Variants in ZPBP observed in about 807,000 individuals in gnomAD.
ZPBP encodes zona pellucida binding protein, also known as zona pellucida-binding protein 1.
Under a neutral mutation model 44.8 loss-of-function variants are expected in ZPBP, and 26 were observed. That is an observed-to-expected ratio of 0.58 (90% CI 0.43 to 0.81). The LOEUF is 0.81. Among genes scored for constraint, ZPBP ranks in the 30% least tolerant of loss-of-function variants. ZPBP has a pLI of 0.00. For missense variants in ZPBP, 409 were observed against 434.0 expected (o/e 0.94, Z 0.51); for synonymous variants, 174 against 153.2 (o/e 1.14, Z -1.00).
chr7:49,934,184 C>T (rs548599264), downstream of ZPBP, among the ~76,000 whole-genome samples: 1 of 152,202 alleles, frequency 6.6e-6, no homozygotes, highest in Admixed American at 6.5e-5. Flanking sequence ...TTGTGGGCTT[C>T]ATCCTCAAGC....
intron 1 of ZPBP, among the ~76,000 whole-genome samples, chr7:49,902,601 A>G (rs1792826810): frequency 6.6e-6 from 1 of 151,840 alleles, no homozygotes; most frequent in South Asian, 2.1e-4. Context: ...CACCCTATGA[A>G]AAATTTATCT....
At chr7:49,939,471 GA>G (rs1406861618) in intron 7 of ZPBP, among the ~76,000 whole-genome samples, 6 of 151,898 alleles carry the variant, frequency 4.0e-5, no homozygotes, top group African/African-American at 1.2e-4. Context: ...TAGAACTGGG[GA>G]AAAATGTTAA....
intron 2 of ZPBP, among the ~76,000 whole-genome samples, chr7:49,882,112 T>TTA (rs1791690731): frequency 1.3e-5 from 2 of 152,148 alleles, no homozygotes; most frequent in Non-Finnish European, 1.5e-5. Flanking sequence ...AAACATAGAT[T>TTA]TATATGTGCC....
At chr7:49,932,098 C>A (rs944106182) in intron 1 of ZPBP, among the ~76,000 whole-genome samples, 1 of 152,234 alleles carries the variant, frequency 6.6e-6, no homozygotes, top group Non-Finnish European at 1.5e-5. Flanking sequence ...AGGTGTGCTG[C>A]AGGGGTGGAG....
chr7:50,023,341 T>G (rs191116985), intron 5 of ZPBP, among the ~76,000 whole-genome samples: 141 of 152,094 alleles, frequency 9.3e-4, no homozygotes, highest in African/African-American at 3.3e-3. Context: ...ATATTTACAG[T>G]GTTCCGTATA....
intron 3 of ZPBP, among the ~76,000 whole-genome samples, chr7:50,078,355 T>C (rs1332017535): frequency 6.6e-6 from 1 of 151,528 alleles, no homozygotes; most frequent in African/African-American, 2.4e-5. Context: ...CTATAGTCAA[T>C]AATAACTTAA....
intron 6 of ZPBP, among the ~76,000 whole-genome samples, chr7:50,001,489 CT>C (rs991974705): frequency 5.3e-4 from 81 of 152,228 alleles, no homozygotes; most frequent in African/African-American, 1.9e-3. Flanking sequence ...ACCTGTTCCT[CT>C]TTTTTGTATC....
intron 7 of ZPBP, chr7:49,943,161 A>G (rs1032970636): frequency 1.9e-5 from 6 of 310,802 alleles, no homozygotes; most frequent in African/African-American, 1.3e-4. Context: ...CCCAGTCCAG[A>G]AAGTTAGCTT....
intron 3 of ZPBP, among the ~76,000 whole-genome samples, chr7:50,064,895 C>T (rs543170978): frequency 1.3e-5 from 2 of 152,262 alleles, no homozygotes; most frequent in South Asian, 4.2e-4. Flanking sequence ...TAGGAAATCA[C>T]AAGGGTATTG....
chr7:50,031,272 G>A lies in ZPBP; in HGVS notation c.526C>T (p.Arg176Ter), dbSNP rs762628954. 4 of 1,611,516 alleles carry A rather than the reference G, an allele frequency of 2.5e-6. No individual in the cohort carries two copies. Among genetic ancestry groups the A allele is most frequent in the African/African-American group, 1.3e-5 (1 of 74,770 alleles). Residue 176 changes from arginine to a stop codon, truncating the protein, a stop_gained, in exon 5 of 8, where the codon CGA becomes TGA. Coordinates refer to ENST00000046087, the MANE Select transcript of ZPBP (RefSeq NM_007009.3). LOFTEE classifies it high-confidence loss of function. ...CTATTGCAGGGAGCTGCATGATATC[G>A]AGCTGTGAACTGATAATAATAATGA... is the stretch of plus-strand genomic sequence containing the variant. ...EPHYYYQFTA[R>*]YHAAPCNSIY...
chr7:50,058,208 A>C, intron 3 of ZPBP, 67 bp from the exon 4 acceptor site: 2 of 1,541,164 alleles, frequency 1.3e-6, no homozygotes, highest in Admixed American at 1.7e-5. Context: ...ACATTTTCTC[A>C]GCAAGGTAAA....
Position 49,981,374 on chromosome 7 carries a change from T to TAA in ZPBP, c.961+1967_961+1968insTT, listed in dbSNP as rs1562819321. 2.5e-3 allele frequency among the ~76,000 whole-genome samples: 10 copies of TAA among 3,972 alleles called. 2 individuals are homozygous for TAA. The South Asian group carries it at 0.091, about 36-fold the overall frequency. 2.6% of individuals were successfully genotyped at this position (3,972 alleles called of 152,430 possible). A position where few individuals can be genotyped will look rare whatever the true frequency, so the allele number is the denominator to read the frequency against. ...AATATATATTATATATAATTATATATATTATATATAATTATATATATTATA... is the reference window on the plus strand; with the variant it reads ...AATATATATTATATATAATTATATATAAATTATATATAATTATATATATTATA... On this transcript the variant is annotated intron_variant, in intron 7 of 7. Coordinates refer to ENST00000046087, the MANE Select transcript of ZPBP (RefSeq NM_007009.3).
At position 50,031,104 on chromosome 7, in the gene ZPBP, A is replaced by C. The variant is rs1416676028; in HGVS notation, c.694T>G (p.Phe232Val). The change falls in exon 5 of 8, where the codon TTT becomes GTT. Residue 232 changes from phenylalanine (F) to valine (V), a missense_variant. Physicochemically the swap from Phe to Val is conservative, Grantham distance 50. Transcript: ENST00000046087. Reference sequence around the variant, plus strand: ...TGTATAGACTTACCTGAAAATGCAAAGAACAATTCATTTTGCAAACCAGCT... The same window carrying C: ...TGTATAGACTTACCTGAAAATGCAACGAACAATTCATTTTGCAAACCAGCT... Reference protein sequence around the residue: ...QRAGLQNELFFAFSVSSLDTE... With the variant: ...QRAGLQNELFVAFSVSSLDTE... 2 of 1,613,420 alleles carry C rather than the reference A, an allele frequency of 1.2e-6. No individual in the cohort carries two copies. The highest frequency in any genetic ancestry group is 2.2e-5 in the East Asian group (1 of 44,808).
chr7:49,860,042 T>A (rs1474185020), intron 2 of ZPBP, among the ~76,000 whole-genome samples: 1 of 152,146 alleles, frequency 6.6e-6, no homozygotes, highest in African/African-American at 2.4e-5. Context: ...TAAAGTTTCA[T>A]AATTTTATCC....
chr7:50,093,087 C>A lies in ZPBP; in HGVS notation c.108G>T (p.Leu36=), dbSNP rs776541120. The change falls in exon 1 of 8, where the codon CTG becomes CTT. Residue 36 remains leucine (L), a synonymous_variant. Coordinates refer to ENST00000046087, the MANE Select transcript of ZPBP (RefSeq NM_007009.3). ...AAILLFISAF[L]VRVPSSVGHL... ...CCTCACCTGATGAGGGCACCCGCAC[C>A]AGGAAGGCGGAGATAAAGAGGAGGA... The A allele has an allele frequency of 1.5e-5, 24 of 1,600,534 alleles. No homozygotes were observed. The highest frequency in any genetic ancestry group is 1.9e-5 in the Non-Finnish European group (22 of 1,173,970).
Position 49,979,758 on chromosome 7 carries a change from T to G in ZPBP, c.961+3584A>C, listed in dbSNP as rs998498975. On this transcript the variant is annotated intron_variant, in intron 7 of 7. Coordinates refer to ENST00000046087, the MANE Select transcript of ZPBP (RefSeq NM_007009.3). ...AATACATGTAATAGCTTAACTACTA[T>G]GTTCCAGTTTATTTTTTGGGTATTT... 2.8e-5 allele frequency among the ~76,000 whole-genome samples: 4 copies of G among 144,072 alleles called. No homozygotes were observed. The Admixed American group carries it at 3.0e-4, about 11-fold the overall frequency. 94.5% of individuals were successfully genotyped at this position (144,072 alleles called of 152,430 possible).
intron 2 of ZPBP, among the ~76,000 whole-genome samples, chr7:49,852,676 T>C (rs1404249012): frequency 1.3e-5 from 2 of 150,880 alleles, no homozygotes; most frequent in African/African-American, 5.0e-5. Context: ...CCCTACCACC[T>C]TGGTGTGACG....
At chr7:50,049,990 A>T (rs1248916749) in intron 4 of ZPBP, among the ~76,000 whole-genome samples, 1 of 152,004 alleles carries the variant, frequency 6.6e-6, no homozygotes, top group African/African-American at 2.4e-5. Flanking sequence ...TTAGCAATAA[A>T]CATGTGTAAT....
intron 6 of ZPBP, among the ~76,000 whole-genome samples, chr7:50,013,105 A>G (rs953499763): frequency 1.3e-5 from 2 of 152,016 alleles, no homozygotes; most frequent in African/African-American, 2.4e-5. Context: ...AAAATGCAAA[A>G]AGAAGATAAT....
Sources: allele counts gnomAD v4.1 joint callset (sites outside exome capture counted in the v4.1 genomes callset), GRCh38; gene constraint gnomAD v4.1.1; transcripts MANE v1.5; gene names NCBI Gene and HGNC (gene_info 2026-07-23, HGNC 2026-07-21).